The following TNR variants were observed in gnomAD, a reference collection of about 807,000 sequenced individuals.
TNR encodes tenascin R, also known as tenascin-R.
Under a neutral mutation model 150.4 loss-of-function variants are expected in TNR, and 45 were observed. That is an observed-to-expected ratio of 0.30 (90% CI 0.24 to 0.38). The LOEUF (loss-of-function observed/expected upper bound fraction) is 0.38, where lower values mean the gene tolerates loss of function less well. Ranked by LOEUF, TNR falls within the 10% of genes least tolerant of loss-of-function variation. The pLI is 1.00. For missense variants in TNR, 1,544 were observed against 1,759.1 expected (o/e 0.88, Z 2.19); for synonymous variants, 687 against 678.4 (o/e 1.01, Z -0.20).
At chr1:175,572,615 C>T (rs1235384011) in intron 1 of TNR, among the ~76,000 whole-genome samples, 1 of 151,544 alleles carries the variant, frequency 6.6e-6, no homozygotes, top group African/African-American at 2.4e-5. Flanking sequence ...AAAGTACAGG[C>T]TTATTATAAG....
intron 1 of TNR, among the ~76,000 whole-genome samples, chr1:175,647,435 C>CAAAAAAAAAAAAAAAAAAAA (rs397745737): frequency 1.6e-5 from 2 of 121,652 alleles, no homozygotes; most frequent in African/African-American, 6.1e-5. Context: ...CTATTCGGTG[C>CAAAAAAAAAAAAAAAAAAAA]AAAAAAAAAA....
At chr1:175,382,480 C>T (rs1431370662) in intron 8 of TNR, among the ~76,000 whole-genome samples, 1 of 152,178 alleles carries the variant, frequency 6.6e-6, no homozygotes, top group Non-Finnish European at 1.5e-5. Context: ...AAAGAATTTC[C>T]TGAAGAGTCC....
At chr1:175,335,109 G>A (rs930412194) in intron 20 of TNR, among the ~76,000 whole-genome samples, 1 of 152,144 alleles carries the variant, frequency 6.6e-6, no homozygotes, top group Non-Finnish European at 1.5e-5. Context: ...GGGGACACAG[G>A]TCATAATAAA....
At chr1:175,638,205 T>C (rs1241853669) in intron 1 of TNR, among the ~76,000 whole-genome samples, 1 of 152,248 alleles carries the variant, frequency 6.6e-6, no homozygotes, top group South Asian at 2.1e-4. Context: ...CTTCTTTTTA[T>C]ACAGAATCCT....
intron 18 of TNR, among the ~76,000 whole-genome samples, chr1:175,349,682 C>T (rs1650964409): frequency 6.6e-6 from 1 of 152,124 alleles, no homozygotes; most frequent in African/African-American, 2.4e-5. Context: ...AGACTGGGAC[C>T]TTGCTGGAGA....
chr1:175,356,600 G>A, intron 15 of TNR, 138 bp from the exon 16 acceptor site: 1 of 1,007,582 alleles, frequency 9.9e-7, no homozygotes, highest in Non-Finnish European at 1.4e-6. Flanking sequence ...ATCTAGCTTA[G>A]TATCTTACTC....
chr1:175,543,366 G>A (rs1288525410), intron 1 of TNR, among the ~76,000 whole-genome samples: 1 of 152,154 alleles, frequency 6.6e-6, no homozygotes, highest in East Asian at 1.9e-4. Flanking sequence ...TGTGAAGCTA[G>A]CACTGTCAGA....
At chr1:175,420,429 A>G (rs1002639726) in intron 2 of TNR, among the ~76,000 whole-genome samples, 10 of 152,244 alleles carry the variant, frequency 6.6e-5, no homozygotes, top group Non-Finnish European at 1.5e-4. Flanking sequence ...ATTTGGAAAC[A>G]GGTAAGCCTT....
rs141407218 is a variant in TNR at position 175,390,174 on chromosome 1, C to G, written c.1507+1114G>C. 2.6e-5 allele frequency among the ~76,000 whole-genome samples: 4 copies of G among 152,300 alleles called. No individual in the cohort carries two copies. In the East Asian group the frequency reaches 5.8e-4, roughly 22 times the overall value. Reference sequence around the variant, plus strand: ...TCTAAACTGAGCTTAAGCCTTGGCACCTGATGCTGTTTGGTTTGGATTCAG... The same window carrying G: ...TCTAAACTGAGCTTAAGCCTTGGCAGCTGATGCTGTTTGGTTTGGATTCAG... On this transcript the variant is annotated intron_variant, in intron 7 of 22. Coordinates refer to ENST00000367674, the MANE Select transcript of TNR (RefSeq NM_003285.3).
chr1:175,644,713 T>C (rs1664758950), intron 1 of TNR, among the ~76,000 whole-genome samples: 1 of 152,244 alleles, frequency 6.6e-6, no homozygotes, highest in Non-Finnish European at 1.5e-5. Context: ...AGGCACACAG[T>C]AAATACTCGA....
chr1:175,485,661 TG>T (rs1301883104), intron 2 of TNR, among the ~76,000 whole-genome samples: 3 of 152,152 alleles, frequency 2.0e-5, no homozygotes, highest in African/African-American at 7.2e-5. Flanking sequence ...AAGATTCTTC[TG>T]GGGATATCAC....
intron 1 of TNR, among the ~76,000 whole-genome samples, chr1:175,708,148 GAGTC>G (rs535092857): frequency 2.8e-4 from 43 of 152,216 alleles, no homozygotes; most frequent in Admixed American, 1.5e-3. Flanking sequence ...CATTTACAGA[GAGTC>G]AGTAACATAG....
Position 175,379,743 on chromosome 1 carries a change from A to G in TNR, c.1778-6T>C, listed in dbSNP as rs1489021526. ...GTTCTTGGGGGCATCGATCTCTAAAAATAGACAGACATCACCAACATCGCA... is the reference window on the plus strand; with the variant it reads ...GTTCTTGGGGGCATCGATCTCTAAAGATAGACAGACATCACCAACATCGCA... On this transcript the variant is annotated splice_region_variant and splice_polypyrimidine_tract_variant and intron_variant, in intron 8 of 22. Coordinates refer to ENST00000367674, the MANE Select transcript of TNR (RefSeq NM_003285.3). 1.9e-6 allele frequency: 3 copies of G among 1,613,798 alleles called. No homozygotes were observed. Among genetic ancestry groups the G allele is most frequent in the Non-Finnish European group, 2.5e-6 (3 of 1,179,846 alleles).
chr1:175,700,939 C>G (rs901601435), intron 1 of TNR, among the ~76,000 whole-genome samples: 3 of 152,214 alleles, frequency 2.0e-5, no homozygotes, highest in African/African-American at 4.8e-5. Flanking sequence ...ATTTCTCAGG[C>G]CTGCCATCCA....
At chr1:175,702,135 G>A (rs1030694242) in intron 1 of TNR, among the ~76,000 whole-genome samples, 1 of 152,180 alleles carries the variant, frequency 6.6e-6, no homozygotes, top group Non-Finnish European at 1.5e-5. Flanking sequence ...CTCTAAGGGT[G>A]ACTCTGAGAC....
At chr1:175,586,689 G>A (rs1433867761) in intron 1 of TNR, among the ~76,000 whole-genome samples, 2 of 152,140 alleles carry the variant, frequency 1.3e-5, no homozygotes, top group Non-Finnish European at 2.9e-5. Flanking sequence ...CCAACCTATG[G>A]AGAAAAAAGT....
intron 2 of TNR, among the ~76,000 whole-genome samples, chr1:175,476,662 G>A (rs144430489): frequency 4.1e-4 from 63 of 152,260 alleles, no homozygotes; most frequent in African/African-American, 1.5e-3. Flanking sequence ...TCTCTTCAGG[G>A]GTGCTGGAAA....
At chr1:175,639,704 C>T (rs1377078753) in intron 1 of TNR, among the ~76,000 whole-genome samples, 1 of 152,216 alleles carries the variant, frequency 6.6e-6, no homozygotes, top group Non-Finnish European at 1.5e-5. Context: ...TCCTGGCTAA[C>T]TTTCCAGCCT....
At chr1:175,527,652 G>A (rs917739361) in intron 2 of TNR, among the ~76,000 whole-genome samples, 2 of 152,164 alleles carry the variant, frequency 1.3e-5, no homozygotes, top group Non-Finnish European at 2.9e-5. Flanking sequence ...TATTCACTGT[G>A]CCTGACAACT....
Sources: allele counts gnomAD v4.1 joint callset (sites outside exome capture counted in the v4.1 genomes callset), GRCh38; gene constraint gnomAD v4.1.1; transcripts MANE v1.5; gene names NCBI Gene and HGNC (gene_info 2026-07-23, HGNC 2026-07-21).